Variants in TGFB2 observed in about 807,000 individuals in gnomAD.
The protein encoded by TGFB2 is transforming growth factor beta 2.
TGFB2 carries 13 observed loss-of-function variants against 42.7 expected under a neutral mutation model. That is an observed-to-expected ratio of 0.30 (90% CI 0.20 to 0.48). The LOEUF is 0.48. TGFB2 is among the 20% of genes least tolerant of loss of function. TGFB2 has a pLI of 0.99. For synonymous variants in TGFB2, 193 were observed against 193.6 expected (o/e 1.00, Z 0.03); for missense variants, 390 against 517.5 (o/e 0.75, Z 2.39).
At chr1:218,393,946 G>A (rs1053942465) in intron 1 of TGFB2, among the ~76,000 whole-genome samples, 4 of 148,356 alleles carry the variant, frequency 2.7e-5, no homozygotes, top group Non-Finnish European at 4.4e-5. Flanking sequence ...TTGCTCTGTC[G>A]CCCAGGCTGG....
At chr1:218,421,503 C>T (rs1313146494) in intron 2 of TGFB2, among the ~76,000 whole-genome samples, 1 of 151,742 alleles carries the variant, frequency 6.6e-6, no homozygotes, top group Non-Finnish European at 1.5e-5. Context: ...GGTAAGCTGC[C>T]ATGAAAAATA....
intron 2 of TGFB2, among the ~76,000 whole-genome samples, chr1:218,423,564 G>A (rs940624288): frequency 9.9e-5 from 15 of 152,114 alleles, no homozygotes; most frequent in African/African-American, 3.4e-4. Flanking sequence ...CATTCTGATA[G>A]GGTTGCTAGT....
rs1037041266 is a variant in TGFB2, at chr1:218,423,036, A to G, written c.511-11046A>G. Among the ~76,000 whole-genome samples, 3 of 152,328 alleles carry G rather than the reference A, an allele frequency of 2.0e-5. No individual in the cohort carries two copies. In the East Asian group the frequency reaches 5.8e-4, roughly 29 times the overall value. On this transcript the variant is annotated intron_variant, in intron 2 of 6. Coordinates refer to ENST00000366930, the MANE Select transcript of TGFB2 (RefSeq NM_003238.6). ...GTAAAAGGCTCCTCCAAAGCCAATG[A>G]AAGCCTTCCAGAGTATGGATGTGGG...
chr1:218,366,485 T>A lies in TGFB2; in HGVS notation c.346+19438T>A, dbSNP rs531164483. 1.6e-3 allele frequency among the ~76,000 whole-genome samples: 238 copies of A among 151,368 alleles called. 2 individuals are homozygous for A. Among genetic ancestry groups the A allele is most frequent in the African/African-American group, 4.6e-3 (190 of 41,254 alleles). On this transcript the variant is annotated intron_variant, in intron 1 of 6. Transcript: ENST00000366930. ...CCACACTGGCTAATTAAAAAAAAAA[T>A]TTTTTTTTAGAGATGGGGTCTTGCT...
At chr1:218,367,932 A>G (rs1293105071) in intron 1 of TGFB2, among the ~76,000 whole-genome samples, 1 of 151,970 alleles carries the variant, frequency 6.6e-6, no homozygotes, top group African/African-American at 2.4e-5. Flanking sequence ...CCTCCTGAGT[A>G]GCTGGGACTA....
chr1:218,357,738 T>A (rs529905510), intron 1 of TGFB2, among the ~76,000 whole-genome samples: 65 of 152,348 alleles, frequency 4.3e-4, no homozygotes, highest in African/African-American at 1.5e-3. Context: ...GCAGCTGTTT[T>A]TCTCTCACAC....
chr1:218,348,067 TAAAAAAAGA>T (rs917170531), intron 1 of TGFB2, among the ~76,000 whole-genome samples: 2 of 142,104 alleles, frequency 1.4e-5, no homozygotes, highest in African/African-American at 5.3e-5. Context: ...TCAGAGTTCT[TAAAAAAAGA>T]AAAAAAAGAA....
chr1:218,401,040 T>C (rs138911656), intron 1 of TGFB2, among the ~76,000 whole-genome samples: 102 of 152,306 alleles, frequency 6.7e-4, no homozygotes, highest in Non-Finnish European at 1.3e-3. Context: ...GATTGAGAAT[T>C]TCAAGATGGT....
chr1:218,381,818 G>A (rs1479131912), intron 1 of TGFB2, among the ~76,000 whole-genome samples: 1 of 151,826 alleles, frequency 6.6e-6, no homozygotes, highest in African/African-American at 2.4e-5. Context: ...AGTGCTACTA[G>A]GTGTGTGTGT....
chr1:218,430,889 A>G (rs1462686541), intron 2 of TGFB2, among the ~76,000 whole-genome samples: 4 of 152,178 alleles, frequency 2.6e-5, no homozygotes, highest in Admixed American at 1.3e-4. Flanking sequence ...AACTGGGTTT[A>G]TTTAGTTTAG....
chr1:218,357,219 G>GAAAA (rs569034159), intron 1 of TGFB2, among the ~76,000 whole-genome samples: 2 of 111,954 alleles, frequency 1.8e-5, no homozygotes, highest in African/African-American at 2.9e-5. Context: ...TCTGAAAAAT[G>GAAAA]AAAAAAAAAA....
At chr1:218,405,401 C>T (rs1310263409) in intron 2 of TGFB2, 69 bp downstream of exon 2, 3 of 1,594,258 alleles carry the variant, frequency 1.9e-6, no homozygotes, top group Admixed American at 3.3e-5. Flanking sequence ...CTCTCTCTCT[C>T]TGTCACAGGC....
At chr1:218,399,396 T>G (rs1286468163) in intron 1 of TGFB2, among the ~76,000 whole-genome samples, 1 of 152,068 alleles carries the variant, frequency 6.6e-6, no homozygotes, top group Admixed American at 6.5e-5. Flanking sequence ...CCTTACTAGG[T>G]AGCCACAAAA....
chr1:218,433,196 G>A (rs1473079866), intron 2 of TGFB2, among the ~76,000 whole-genome samples: 2 of 152,080 alleles, frequency 1.3e-5, no homozygotes, highest in Non-Finnish European at 2.9e-5. Context: ...AGCCTCCCGA[G>A]TAGCTGGGAT....
intron 2 of TGFB2, among the ~76,000 whole-genome samples, chr1:218,421,341 G>A (rs1339467566): frequency 6.7e-6 from 1 of 148,276 alleles, no homozygotes; most frequent in African/African-American, 2.5e-5. Flanking sequence ...TCTGTGGTGG[G>A]TTTCTGGATG....
rs1454001532 is a variant in TGFB2 at position 218,442,581 on chromosome 1, A to G, written c.*1219A>G. On this transcript the variant is annotated 3_prime_UTR_variant, in exon 7 of 7. Coordinates refer to ENST00000366930, the MANE Select transcript of TGFB2 (RefSeq NM_003238.6). ...CCCTATAGTTTGACTTGCACTACAA[A>G]TGCATTTTTTTTTTAATAACATTTG... The G allele has an allele frequency of 6.6e-6, 1 of 150,980 alleles. No homozygotes were observed. The highest frequency in any genetic ancestry group is 6.6e-5 in the Admixed American group (1 of 15,136). 9.4% of individuals were successfully genotyped at this position (150,980 alleles called of 1,614,324 possible).
chr1:218,412,139 C>T (rs1659121758), intron 2 of TGFB2, among the ~76,000 whole-genome samples: 1 of 152,194 alleles, frequency 6.6e-6, no homozygotes, highest in South Asian at 2.1e-4. Context: ...ATAAATTAGC[C>T]TCCACCTTCT....
chr1:218,416,687 C>T (rs1020514482), intron 2 of TGFB2, among the ~76,000 whole-genome samples: 2 of 152,166 alleles, frequency 1.3e-5, no homozygotes, highest in African/African-American at 4.8e-5. Context: ...TGGTTGGTCC[C>T]CCTGTTTCCA....
At chr1:218,433,875 C>A (rs1659883880) in intron 2 of TGFB2, among the ~76,000 whole-genome samples, 1 of 152,198 alleles carries the variant, frequency 6.6e-6, no homozygotes, top group Non-Finnish European at 1.5e-5. Flanking sequence ...TCATAACATG[C>A]AGCTGATTTA....
Sources: allele counts gnomAD v4.1 joint callset (sites outside exome capture counted in the v4.1 genomes callset), GRCh38; gene constraint gnomAD v4.1.1; transcripts MANE v1.5; gene names NCBI Gene and HGNC (gene_info 2026-07-23, HGNC 2026-07-21).